The following FRMD6 variants were observed in gnomAD, a reference collection of about 807,000 sequenced individuals.
FRMD6 encodes the protein FERM domain containing 6, also known as FERM domain-containing protein 6.
A neutral mutation model predicts 73.2 loss-of-function variants in FRMD6; 37 were observed. The observed-to-expected ratio is 0.51, with a 90% CI of 0.39 to 0.66. The LOEUF (loss-of-function observed/expected upper bound fraction) is 0.66. FRMD6 is among the 30% of genes least tolerant of loss of function. The pLI is 0.00. For missense variants in FRMD6, 714 were observed against 780.5 expected (o/e 0.91, Z 1.02); for synonymous variants, 273 against 282.2 (o/e 0.97, Z 0.33).
intron 2 of FRMD6, among the ~76,000 whole-genome samples, chr14:51,636,072 G>T (rs1382804474): frequency 6.6e-6 from 1 of 152,220 alleles, no homozygotes; most frequent in Non-Finnish European, 1.5e-5. Flanking sequence ...TTCTTAGGGA[G>T]AAACATTTAA....
In FRMD6 at chr14:51,590,641, G is replaced by T. The variant is rs567825306; in HGVS notation, c.-147+20231G>T. ...CAGTAATTACAACTCTCTAAAAGGG[G>T]TCTGTAAAGTTCAATTACAAAAGAC... On this transcript the variant is annotated intron_variant, in intron 2 of 14. Coordinates refer to the FRMD6 transcript ENST00000356218. Among the ~76,000 whole-genome samples, 5 of 152,296 alleles carry T rather than the reference G, an allele frequency of 3.3e-5. No homozygotes were observed. In the South Asian group the frequency reaches 8.3e-4, roughly 25 times the overall value.
chr14:51,418,278 C>A, the FRMD6 span, among the ~76,000 whole-genome samples: 4 of 152,156 alleles, frequency 2.6e-5, no homozygotes, highest in East Asian at 5.8e-4. Context: ...GGTTTCTCCC[C>A]ATCTTTGTGG....
intron 2 of FRMD6, among the ~76,000 whole-genome samples, chr14:51,599,058 C>CTTTTTTTTTTTTTTTTTT (rs59151771): frequency 4.5e-4 from 33 of 72,822 alleles, no homozygotes; most frequent in African/African-American, 7.1e-4. Flanking sequence ...CAGTATCTGT[C>CTTTTTTTTTTTTTTTTTT]TTTTTTTTTT....
At chr14:51,459,806 G>A in the FRMD6 span, among the ~76,000 whole-genome samples, 66 of 105,892 alleles carry the variant, frequency 6.2e-4, no homozygotes, top group Non-Finnish European at 4.1e-4. Context: ...CAGCCTGGGC[G>A]ACAGAGCAAG....
intron 1 of FRMD6, among the ~76,000 whole-genome samples, chr14:51,664,057 T>C (rs1013208610): frequency 6.6e-6 from 1 of 152,228 alleles, no homozygotes; most frequent in East Asian, 1.9e-4. Context: ...ATTCAAACCA[T>C]AGCAGTCCTT....
At chr14:51,652,476 G>A (rs563773534) in intron 1 of FRMD6, among the ~76,000 whole-genome samples, 1 of 152,328 alleles carries the variant, frequency 6.6e-6, no homozygotes, top group South Asian at 2.1e-4. Flanking sequence ...GTGGCTGGGC[G>A]CCGGGACTAG....
the FRMD6 span, among the ~76,000 whole-genome samples, chr14:51,479,671 T>C: frequency 6.6e-6 from 1 of 152,216 alleles, no homozygotes; most frequent in Non-Finnish European, 1.5e-5. Context: ...TAAATAATTA[T>C]TAACTTTTAA....
At chr14:51,459,001 C>T in the FRMD6 span, among the ~76,000 whole-genome samples, 1 of 152,210 alleles carries the variant, frequency 6.6e-6, no homozygotes, top group African/African-American at 2.4e-5. Context: ...CAACCCCATC[C>T]CTCCTCCTTC....
the FRMD6 span, among the ~76,000 whole-genome samples, chr14:51,429,936 C>A: frequency 1.3e-5 from 2 of 152,120 alleles, no homozygotes; most frequent in African/African-American, 4.8e-5. Context: ...TTATACCCAC[C>A]ACCTTGGGGC....
the FRMD6 span, among the ~76,000 whole-genome samples, chr14:51,429,852 A>G: frequency 6.6e-6 from 1 of 152,150 alleles, no homozygotes; most frequent in Non-Finnish European, 1.5e-5. Flanking sequence ...GTAACTATCA[A>G]TGGGGAGAAA....
chr14:51,712,537 A>G lies in FRMD6; in HGVS notation c.835A>G (p.Lys279Glu). The G allele has an allele frequency of 6.3e-7, 1 of 1,599,528 alleles. No individual in the cohort carries two copies. Residue 279 changes from lysine to glutamate, a missense_variant, in exon 9 of 14, where the codon AAA becomes GAA. Coordinates refer to ENST00000344768, the MANE Select transcript of FRMD6 (RefSeq NM_001267046.2). ...TGATTTCCCCTGGACAAATGTTGGAAAATTGGTGTTTGTGGTAAGTTTAAA... is the reference window on the plus strand; with the variant it reads ...TGATTTCCCCTGGACAAATGTTGGAGAATTGGTGTTTGTGGTAAGTTTAAA... Reference protein sequence around the residue: ...LYDFPWTNVGKLVFVGKKFEI... With the variant: ...LYDFPWTNVGELVFVGKKFEI...
chr14:51,595,503 A>G (rs577755062), intron 2 of FRMD6, among the ~76,000 whole-genome samples: 2 of 152,340 alleles, frequency 1.3e-5, no homozygotes, highest in African/African-American at 4.8e-5. Flanking sequence ...AAGTATTGTT[A>G]ACAGTGTGAA....
At chr14:51,706,988 T>C (rs1424568333) in intron 6 of FRMD6, among the ~76,000 whole-genome samples, 2 of 152,102 alleles carry the variant, frequency 1.3e-5, no homozygotes, top group Non-Finnish European at 2.9e-5. Context: ...TGAATATTGA[T>C]TATTGAAATC....
the FRMD6 span, among the ~76,000 whole-genome samples, chr14:51,422,209 C>T: frequency 2.6e-5 from 4 of 152,090 alleles, no homozygotes; most frequent in Admixed American, 6.5e-5. Context: ...GACATAGTTC[C>T]GGTTGTTATT....
At chr14:51,697,543 G>C (rs979165184) in intron 2 of FRMD6, among the ~76,000 whole-genome samples, 2 of 152,068 alleles carry the variant, frequency 1.3e-5, no homozygotes, top group South Asian at 4.1e-4. Context: ...ATTTCAGTTA[G>C]GAGGAATAAG....
At chr14:51,675,370 CA>C (rs1384991180) in intron 1 of FRMD6, among the ~76,000 whole-genome samples, 2 of 152,072 alleles carry the variant, frequency 1.3e-5, no homozygotes, top group Middle Eastern at 3.2e-3. Context: ...GATGACTCCA[CA>C]GGGGAACTGT....
intron 1 of FRMD6, among the ~76,000 whole-genome samples, chr14:51,658,647 A>G (rs929851181): frequency 6.6e-5 from 10 of 152,162 alleles, no homozygotes; most frequent in African/African-American, 2.4e-4. Context: ...GTCTACTGAG[A>G]GCAGCAGTGA....
At chr14:51,535,357 A>G (rs1398047916) in intron 1 of FRMD6, among the ~76,000 whole-genome samples, 1 of 152,040 alleles carries the variant, frequency 6.6e-6, no homozygotes, top group Non-Finnish European at 1.5e-5. Context: ...TCATAATCCT[A>G]TTCTCCCCTC....
intron 1 of FRMD6, among the ~76,000 whole-genome samples, chr14:51,653,833 A>G (rs1484238206): frequency 1.8e-4 from 28 of 152,222 alleles, no homozygotes; most frequent in Admixed American, 1.8e-3. Context: ...AACATTTTGG[A>G]TTCATATTTC....
Sources: gnomAD v4.1 joint callset for allele counts (sites outside exome capture counted in the v4.1 genomes callset) on GRCh38, gnomAD v4.1.1 for gene constraint, MANE v1.5 for transcripts, NCBI Gene and HGNC (gene_info 2026-07-23, HGNC 2026-07-21) for gene names.